RBFOX1: variants seen among roughly 807,000 people sequenced by gnomAD.
RBFOX1 encodes RNA binding fox-1 homolog 1.
In RBFOX1, 8 loss-of-function variants were observed where a neutral mutation model predicts 57.7. The observed-to-expected ratio is 0.14, with a 90% confidence interval of 0.08 to 0.25. The LOEUF is 0.25. Among genes scored for constraint, RBFOX1 ranks in the 10% least tolerant of loss-of-function variants. The pLI is 1.00. For synonymous variants in RBFOX1, 326 were observed against 222.4 expected (o/e 1.47, Z -4.15); for missense variants, 611 against 548.5 (o/e 1.11, Z -1.14).
chr16:5,781,885 A>G (rs906512120), intron 3 of RBFOX1, among the ~76,000 whole-genome samples: 1 of 152,202 alleles, frequency 6.6e-6, no homozygotes, highest in African/African-American at 2.4e-5. Context: ...TGCTATAACG[A>G]AATGCCTGAG....
intron 2 of RBFOX1, among the ~76,000 whole-genome samples, chr16:6,429,739 T>A (rs1870286386): frequency 6.6e-6 from 1 of 152,220 alleles, no homozygotes; most frequent in African/African-American, 2.4e-5. Flanking sequence ...GCACAAGCTC[T>A]CTTGCCTGCT....
chr16:7,430,312 G>T (rs745854013), intron 4 of RBFOX1, among the ~76,000 whole-genome samples: 37 of 152,170 alleles, frequency 2.4e-4, no homozygotes, highest in African/African-American at 8.7e-4. Context: ...AAGCAAAGCT[G>T]CAGCATCTTA....
chr16:7,279,965 T>C (rs540767555), intron 4 of RBFOX1, among the ~76,000 whole-genome samples: 1 of 152,330 alleles, frequency 6.6e-6, no homozygotes, highest in South Asian at 2.1e-4. Flanking sequence ...GGCAGCCAAG[T>C]TGGCCATATC....
intron 10 of RBFOX1, among the ~76,000 whole-genome samples, chr16:7,619,814 C>T (rs560427548): frequency 6.6e-6 from 1 of 151,882 alleles, no homozygotes; most frequent in African/African-American, 2.4e-5. Flanking sequence ...TTTTTAGGAA[C>T]AAGCTATGAC....
intron 4 of RBFOX1, among the ~76,000 whole-genome samples, chr16:7,411,245 CT>C (rs56161232): frequency 0.91 from 137,703 of 152,060 alleles, 62,462 homozygotes; most frequent in South Asian, 0.95. Context: ...GGCCAATCAA[CT>C]TTGAATTCTA....
chr16:5,703,828 G>A (rs1348867903), intron 3 of RBFOX1, among the ~76,000 whole-genome samples: 1 of 152,168 alleles, frequency 6.6e-6, no homozygotes, highest in East Asian at 1.9e-4. Context: ...AACCCATGAT[G>A]TAGGGATATT....
chr16:6,846,601 C>T (rs766045940), intron 3 of RBFOX1, among the ~76,000 whole-genome samples: 3 of 152,130 alleles, frequency 2.0e-5, no homozygotes, highest in South Asian at 2.1e-4. Flanking sequence ...TGGAAACGCA[C>T]GAAGACCTTT....
intron 1 of RBFOX1, among the ~76,000 whole-genome samples, chr16:5,283,366 C>T (rs1004629211): frequency 1.3e-5 from 2 of 152,256 alleles, no homozygotes; most frequent in South Asian, 2.1e-4. Flanking sequence ...GGGCCACCAT[C>T]CTCCAGACCC....
At chr16:7,588,310 T>C (rs912888095) in intron 7 of RBFOX1, among the ~76,000 whole-genome samples, 1 of 152,226 alleles carries the variant, frequency 6.6e-6, no homozygotes, top group African/African-American at 2.4e-5. Context: ...ACCTAGGAAC[T>C]GATTAGAAAT....
intron 1 of RBFOX1, among the ~76,000 whole-genome samples, chr16:5,342,756 C>G (rs765396470): frequency 2.6e-5 from 4 of 152,190 alleles, no homozygotes; most frequent in Non-Finnish European, 5.9e-5. Flanking sequence ...GGTGCACATC[C>G]AAACCTTCAT....
intron 1 of RBFOX1, among the ~76,000 whole-genome samples, chr16:5,439,253 G>A (rs1259941529): frequency 1.3e-5 from 2 of 152,090 alleles, no homozygotes; most frequent in African/African-American, 2.4e-5. Flanking sequence ...ATCTTGGAAA[G>A]GTAGGCGAGG....
At chr16:5,327,310 A>T (rs1039343489) in intron 1 of RBFOX1, among the ~76,000 whole-genome samples, 1 of 152,152 alleles carries the variant, frequency 6.6e-6, no homozygotes, top group African/African-American at 2.4e-5. Flanking sequence ...GTATCCCTGG[A>T]GAGAAGCCTT....
intron 3 of RBFOX1, among the ~76,000 whole-genome samples, chr16:6,742,890 C>T (rs1354054795): frequency 6.6e-6 from 1 of 152,032 alleles, no homozygotes; most frequent in East Asian, 1.9e-4. Context: ...TGAATTAGTT[C>T]TGTATTGTAT....
At chr16:7,041,970 C>T (rs1246733116) in intron 3 of RBFOX1, among the ~76,000 whole-genome samples, 2 of 152,232 alleles carry the variant, frequency 1.3e-5, no homozygotes, top group Middle Eastern at 3.4e-3. Context: ...ATATGGCTAA[C>T]GTTACTTAGG....
At chr16:5,791,808 G>A (rs148238186) in intron 3 of RBFOX1, among the ~76,000 whole-genome samples, 1 of 152,182 alleles carries the variant, frequency 6.6e-6, no homozygotes, top group Admixed American at 6.5e-5. Flanking sequence ...AATATCCTTT[G>A]CTTGGTTTCC....
intron 14 of RBFOX1, among the ~76,000 whole-genome samples, chr16:7,686,796 G>A (rs1396477777): frequency 6.6e-6 from 1 of 152,080 alleles, no homozygotes; most frequent in African/African-American, 2.4e-5. Flanking sequence ...TCTTTCACCT[G>A]AGCCTAGACA....
At chr16:6,559,113 G>A (rs577411206) in intron 2 of RBFOX1, among the ~76,000 whole-genome samples, 98 of 25,162 alleles carry the variant, frequency 3.9e-3, no homozygotes, top group African/African-American at 0.037. Context: ...ATATACATAT[G>A]TGTGTGTGTG....
intron 2 of RBFOX1, among the ~76,000 whole-genome samples, chr16:5,507,423 CAT>C (rs541598250): frequency 1.1e-4 from 17 of 152,190 alleles, no homozygotes; most frequent in Admixed American, 3.9e-4. Flanking sequence ...GTTCAGAAAA[CAT>C]GTGGTGCATG....
At chr16:5,279,916 G>A (rs2063232026) in intron 1 of RBFOX1, among the ~76,000 whole-genome samples, 1 of 152,134 alleles carries the variant, frequency 6.6e-6, no homozygotes, top group Non-Finnish European at 1.5e-5. Context: ...GTCCAGTTTG[G>A]ATGCCTTTTA....
Sources: allele counts gnomAD v4.1 joint callset (sites outside exome capture counted in the v4.1 genomes callset), GRCh38; gene constraint gnomAD v4.1.1; transcripts MANE v1.5; gene names NCBI Gene and HGNC (gene_info 2026-07-23, HGNC 2026-07-21).